Variants in MTHFD2L observed in about 807,000 individuals in gnomAD.
MTHFD2L encodes the protein bifunctional methylenetetrahydrofolate dehydrogenase/cyclohydrolase 2, mitochondrial.
MTHFD2L carries 29 observed loss-of-function variants against 34.9 expected under a neutral mutation model. The observed-to-expected ratio is 0.83, with a 90% CI of 0.62 to 1.13. MTHFD2L has a LOEUF of 1.13. Among genes scored for constraint, MTHFD2L ranks in the 50% most tolerant of loss-of-function variants. The probability of loss-of-function intolerance (pLI) is 0.00; values close to 1 mark genes in which losing one functional copy is unlikely to be tolerated. For synonymous variants in MTHFD2L, 167 were observed against 155.7 expected (o/e 1.07, Z -0.54); for missense variants, 481 against 446.5 (o/e 1.08, Z -0.70).
At chr4:74,276,991 A>G (rs1746740743) in intron 6 of MTHFD2L, among the ~76,000 whole-genome samples, 1 of 152,048 alleles carries the variant, frequency 6.6e-6, no homozygotes, top group South Asian at 2.1e-4. Flanking sequence ...AGGCATAACT[A>G]ATACAGAAGT....
At chr4:74,221,987 CCTG>C (rs1237999202) in intron 5 of MTHFD2L, among the ~76,000 whole-genome samples, 9 of 151,764 alleles carry the variant, frequency 5.9e-5, no homozygotes, top group East Asian at 1.9e-4. Flanking sequence ...TTGTCTCCGA[CCTG>C]CTATTTGCCA....
At position 74,185,673 on chromosome 4, in the gene MTHFD2L, TAAATG is replaced by T. The variant is rs200746662; in HGVS notation, c.451+10276_451+10280del. 9.2e-3 allele frequency among the ~76,000 whole-genome samples: 1,404 copies of T among 152,238 alleles called. 16 individuals carry two copies. Among genetic ancestry groups the T allele is most frequent in the African/African-American group, 0.032 (1,339 of 41,550 alleles). The stretch of plus-strand genomic sequence containing the variant: ...GTAACATTATCCCAATTTGACAAGT[TAAATG>T]AAATGGACAACTTCCTTGAAAGATA... On this transcript the variant is annotated intron_variant, in intron 3 of 7. Coordinates refer to ENST00000325278, the MANE Select transcript of MTHFD2L (RefSeq NM_001144978.3).
intron 6 of MTHFD2L, among the ~76,000 whole-genome samples, chr4:74,235,255 A>G (rs1406358391): frequency 6.6e-6 from 1 of 152,170 alleles, no homozygotes; most frequent in Admixed American, 6.6e-5. Flanking sequence ...TAAAACTGGA[A>G]GTAGCATTGA....
chr4:74,189,453 A>G lies in MTHFD2L; in HGVS notation c.452-10341A>G, dbSNP rs375211480. On this transcript the variant is annotated intron_variant, in intron 3 of 7. Transcript: ENST00000325278. ...GCATGTAAAGTATGTTAACCACATGATGGCAGCATTGAGCAAGCAGTGTTT... is the reference window on the plus strand; with the variant it reads ...GCATGTAAAGTATGTTAACCACATGGTGGCAGCATTGAGCAAGCAGTGTTT... Among the ~76,000 whole-genome samples, 17 of 146,150 alleles carry G rather than the reference A, an allele frequency of 1.2e-4. No homozygotes were observed. In the East Asian group the frequency reaches 1.9e-3, roughly 16 times the overall value.
intron 7 of MTHFD2L, among the ~76,000 whole-genome samples, chr4:74,292,253 G>A (rs1749056335): frequency 6.6e-6 from 1 of 152,222 alleles, no homozygotes; most frequent in African/African-American, 2.4e-5. Flanking sequence ...TTTAGTAGAT[G>A]TCTTTGACAT....
intron 6 of MTHFD2L, among the ~76,000 whole-genome samples, chr4:74,245,136 A>G (rs1742240266): frequency 7.0e-6 from 1 of 143,264 alleles, no homozygotes; most frequent in Non-Finnish European, 1.5e-5. Flanking sequence ...CAGAGCTTGC[A>G]GTGAGCTGAG....
At chr4:74,212,312 C>A (rs1384562861) in intron 5 of MTHFD2L, among the ~76,000 whole-genome samples, 6 of 152,182 alleles carry the variant, frequency 3.9e-5, no homozygotes, top group African/African-American at 1.4e-4. Context: ...ATCTGTCCCA[C>A]TTTCTCCTGT....
At chr4:74,239,486 ATT>A (rs1324567890) in intron 6 of MTHFD2L, among the ~76,000 whole-genome samples, 20 of 130,410 alleles carry the variant, frequency 1.5e-4, no homozygotes, top group African/African-American at 5.7e-4. Flanking sequence ...TTAAAGTATA[ATT>A]TTAAAAAAAA....
chr4:74,265,727 A>C (rs547697438), intron 6 of MTHFD2L, among the ~76,000 whole-genome samples: 4 of 152,180 alleles, frequency 2.6e-5, no homozygotes, highest in Non-Finnish European at 5.9e-5. Flanking sequence ...TTTGTCATGC[A>C]TACTATTTTT....
chr4:74,293,917 A>G (rs1003116594), intron 7 of MTHFD2L, among the ~76,000 whole-genome samples: 3 of 152,230 alleles, frequency 2.0e-5, no homozygotes, highest in Non-Finnish European at 2.9e-5. Context: ...AGACAATTAC[A>G]TATGTATACC....
chr4:74,137,101 C>T, intron 1 of MTHFD2L, among the ~76,000 whole-genome samples: 1 of 151,932 alleles, frequency 6.6e-6, no homozygotes, highest in East Asian at 1.9e-4. Context: ...GCAACCAAAG[C>T]AAAAATAGAC....
At chr4:74,263,467 G>GT (rs1029588897) in intron 6 of MTHFD2L, among the ~76,000 whole-genome samples, 4 of 151,942 alleles carry the variant, frequency 2.6e-5, no homozygotes, top group Admixed American at 2.6e-4. Context: ...AACATGGAAT[G>GT]TTTTTCCATT....
At chr4:74,205,647 A>G (rs1735167960) in intron 5 of MTHFD2L, among the ~76,000 whole-genome samples, 1 of 152,148 alleles carries the variant, frequency 6.6e-6, no homozygotes, top group Admixed American at 6.6e-5. Flanking sequence ...CTAAAATCTT[A>G]AAGTAAAGGG....
At chr4:74,122,466 C>T (rs28639814), upstream of MTHFD2L, among the ~76,000 whole-genome samples, 142 of 152,280 alleles carry the variant, frequency 9.3e-4, no homozygotes, top group Middle Eastern at 6.8e-3. Flanking sequence ...ATGACTTAAT[C>T]ACCTCACACC....
At chr4:74,192,966 G>A (rs1732817960) in intron 3 of MTHFD2L, among the ~76,000 whole-genome samples, 1 of 151,760 alleles carries the variant, frequency 6.6e-6, no homozygotes, top group Admixed American at 6.6e-5. Context: ...TTAATTGGTG[G>A]TATTTTTATT....
chr4:74,261,546 A>G (rs1465768311), intron 6 of MTHFD2L, among the ~76,000 whole-genome samples: 3 of 152,102 alleles, frequency 2.0e-5, no homozygotes, highest in African/African-American at 4.8e-5. Flanking sequence ...TTATTGCCAA[A>G]TAAAGCAATA....
intron 6 of MTHFD2L, among the ~76,000 whole-genome samples, chr4:74,239,342 G>C (rs193039549): frequency 2.6e-5 from 4 of 152,010 alleles, no homozygotes; most frequent in South Asian, 2.1e-4. Context: ...TCGTAGTTTG[G>C]GGGGGCAGAG....
chr4:74,148,481 A>G (rs1723743546), intron 1 of MTHFD2L, among the ~76,000 whole-genome samples: 1 of 151,610 alleles, frequency 6.6e-6, no homozygotes, highest in African/African-American at 2.4e-5. Flanking sequence ...TCTACCTCCC[A>G]GGTTCAAGTG....
intron 1 of MTHFD2L, among the ~76,000 whole-genome samples, chr4:74,127,610 A>G (rs1392785078): frequency 5.3e-5 from 8 of 152,166 alleles, no homozygotes; most frequent in Admixed American, 2.0e-4. Flanking sequence ...AAAATATTCA[A>G]TTATGTATAT....
Sources: gnomAD v4.1 joint callset for allele counts (sites outside exome capture counted in the v4.1 genomes callset) on GRCh38, gnomAD v4.1.1 for gene constraint, MANE v1.5 for transcripts, NCBI Gene and HGNC (gene_info 2026-07-23, HGNC 2026-07-21) for gene names.